AKR1C8: variants seen among roughly 807,000 people sequenced by gnomAD.
AKR1C8 encodes aldo-keto reductase family 1 member C-like protein 1.
chr10:5,134,504 C>A, the AKR1C8 span, among the ~76,000 whole-genome samples: 2,702 of 152,268 alleles, frequency 0.018, 77 homozygotes, highest in African/African-American at 0.061. Context: ...TGATACAAAT[C>A]TGATGCATAT....
At chr10:5,174,275 T>G in the AKR1C8 span, among the ~76,000 whole-genome samples, 2 of 86,520 alleles carry the variant, frequency 2.3e-5, no homozygotes, top group African/African-American at 8.2e-5. Context: ...AGATATGTGA[T>G]GTCTATAAAA....
chr10:5,181,184 G>T, the AKR1C8 span, among the ~76,000 whole-genome samples: 1 of 152,100 alleles, frequency 6.6e-6, no homozygotes. Flanking sequence ...TATGTATAAA[G>T]AATTATTAAA....
chr10:5,151,507 T>C, the AKR1C8 span, among the ~76,000 whole-genome samples: 4 of 151,736 alleles, frequency 2.6e-5, no homozygotes, highest in Non-Finnish European at 5.9e-5. Flanking sequence ...TTCACTGCAA[T>C]AATTTTCTAA....
the AKR1C8 span, among the ~76,000 whole-genome samples, chr10:5,170,878 A>G: frequency 8.4e-3 from 1,280 of 152,246 alleles, 16 homozygotes; most frequent in African/African-American, 0.029. Context: ...ATACTCACAG[A>G]TAGTTTCCAA....
chr10:5,141,196 G>GAGTAGATTTC, the AKR1C8 span, among the ~76,000 whole-genome samples: 1 of 152,054 alleles, frequency 6.6e-6, no homozygotes, highest in Non-Finnish European at 1.5e-5. Flanking sequence ...TTCAACCCAA[G>GAGTAGATTTC]AACAACTTTT....
chr10:5,171,593 T>C, the AKR1C8 span, among the ~76,000 whole-genome samples: 1 of 152,070 alleles, frequency 6.6e-6, no homozygotes, highest in Admixed American at 6.6e-5. Flanking sequence ...AAACCTTGTA[T>C]ACATATTTAC....
chr10:5,137,896 G>C, the AKR1C8 span, among the ~76,000 whole-genome samples: 1 of 152,010 alleles, frequency 6.6e-6, no homozygotes, highest in African/African-American at 2.4e-5. Flanking sequence ...ACAGGGAATA[G>C]GTACAAAGAT....
the AKR1C8 span, among the ~76,000 whole-genome samples, chr10:5,161,192 C>T: frequency 2.0e-5 from 3 of 152,152 alleles, no homozygotes; most frequent in Admixed American, 6.5e-5. Flanking sequence ...CATCCCTACT[C>T]GTCACTAAGA....
chr10:5,177,438 CTCTT>C, the AKR1C8 span, among the ~76,000 whole-genome samples: 31 of 151,976 alleles, frequency 2.0e-4, no homozygotes, highest in African/African-American at 7.5e-4. Context: ...GTCTAAAATT[CTCTT>C]TTTTTGTTGT....
At chr10:5,160,225 T>C in the AKR1C8 span, among the ~76,000 whole-genome samples, 1 of 152,146 alleles carries the variant, frequency 6.6e-6, no homozygotes, top group Non-Finnish European at 1.5e-5. Flanking sequence ...TAACAGCAAG[T>C]AGACATATTT....
chr10:5,174,891 T>A, the AKR1C8 span, among the ~76,000 whole-genome samples: 1 of 152,000 alleles, frequency 6.6e-6, no homozygotes, highest in Non-Finnish European at 1.5e-5. Context: ...ACGGTCTATA[T>A]AAACATATTA....
chr10:5,141,327 G>A, the AKR1C8 span, among the ~76,000 whole-genome samples: 2 of 152,100 alleles, frequency 1.3e-5, no homozygotes, highest in South Asian at 4.2e-4. Context: ...CATTACATCT[G>A]CAGTTACCAA....
chr10:5,169,264 C>A, the AKR1C8 span, among the ~76,000 whole-genome samples: 1 of 152,146 alleles, frequency 6.6e-6, no homozygotes, highest in Non-Finnish European at 1.5e-5. Flanking sequence ...GATGATGGTG[C>A]TCCTGTTCTA....
chr10:5,173,870 T>A, the AKR1C8 span, among the ~76,000 whole-genome samples: 2 of 152,178 alleles, frequency 1.3e-5, no homozygotes, highest in African/African-American at 4.8e-5. Flanking sequence ...AAAGGTTTTA[T>A]TCTCAGTCAA....
At chr10:5,163,647 G>A in the AKR1C8 span, among the ~76,000 whole-genome samples, 4 of 152,144 alleles carry the variant, frequency 2.6e-5, no homozygotes, top group Admixed American at 2.6e-4. Flanking sequence ...GTTAGGGTGG[G>A]TTCTTGGTAA....
chr10:5,151,082 C>G, the AKR1C8 span, among the ~76,000 whole-genome samples: 23 of 152,090 alleles, frequency 1.5e-4, 1 homozygote, highest in Non-Finnish European at 3.4e-4. Flanking sequence ...AAGCTGTCCT[C>G]TTGCACTGAG....
chr10:5,140,476 G>T, the AKR1C8 span, among the ~76,000 whole-genome samples: 1 of 152,254 alleles, frequency 6.6e-6, no homozygotes, highest in East Asian at 1.9e-4. Flanking sequence ...CATAAAAAAG[G>T]ATGAGTTCAT....
the AKR1C8 span, among the ~76,000 whole-genome samples, chr10:5,137,517 G>C: frequency 1.3e-5 from 2 of 152,128 alleles, no homozygotes; most frequent in East Asian, 3.9e-4. Context: ...TATCTCAATA[G>C]ATGGAGAAAA....
chr10:5,136,406 C>T, the AKR1C8 span, among the ~76,000 whole-genome samples: 5 of 151,910 alleles, frequency 3.3e-5, no homozygotes, highest in African/African-American at 4.8e-5. Context: ...AAATTAGCCA[C>T]GTGTGGTGGC....
Sources: gnomAD v4.1 joint callset for allele counts (sites outside exome capture counted in the v4.1 genomes callset) on GRCh38, gnomAD v4.1.1 for gene constraint, MANE v1.5 for transcripts, NCBI Gene and HGNC (gene_info 2026-07-23, HGNC 2026-07-21) for gene names.